Variants in ASAP1 observed in about 807,000 individuals in gnomAD.
ASAP1 encodes ArfGAP with SH3 domain, ankyrin repeat and PH domain 1.
Under a neutral mutation model 145.2 loss-of-function variants are expected in ASAP1, and 43 were observed. That is an observed-to-expected ratio of 0.30 (90% confidence interval 0.23 to 0.38). The LOEUF (loss-of-function observed/expected upper bound fraction) is 0.38. Ranked by LOEUF, ASAP1 falls within the 10% of genes least tolerant of loss-of-function variation. The pLI, the probability that ASAP1 is intolerant of heterozygous loss-of-function variation, is 1.00. For synonymous variants in ASAP1, 546 were observed against 515.5 expected, an observed-to-expected ratio of 1.06 and a Z score of -0.80; for missense variants, 1,018 against 1,355.3, an observed-to-expected ratio of 0.75 and a Z score of 3.91.
At chr8:130,304,874 A>T (rs1422543541) in intron 3 of ASAP1, among the ~76,000 whole-genome samples, 3 of 152,200 alleles carry the variant, frequency 2.0e-5, no homozygotes, top group Non-Finnish European at 4.4e-5. Context: ...GGAAAACCCA[A>T]AACAACAAAA....
At chr8:130,185,096 C>A (rs1464059070) in intron 7 of ASAP1, among the ~76,000 whole-genome samples, 1 of 152,162 alleles carries the variant, frequency 6.6e-6, no homozygotes, top group Non-Finnish European at 1.5e-5. Flanking sequence ...TTTTCTCTAA[C>A]TTATAACAGC....
chr8:130,338,477 C>T lies in ASAP1; in HGVS notation c.186+19540G>A, dbSNP rs572626728. ...GTGTCAGGTAAATAAAGACAGGACT[C>T]TCCTTCCAAGAAAAGAACATTATCC... On this transcript the variant is annotated intron_variant, in intron 3 of 29. Coordinates refer to ENST00000518721, the MANE Select transcript of ASAP1 (RefSeq NM_018482.4). Among the ~76,000 whole-genome samples, 92 of 152,350 alleles carry T rather than the reference C, an allele frequency of 6.0e-4. 1 individual carries two copies. Among genetic ancestry groups the T allele is most frequent in the Admixed American group, 1.5e-3 (23 of 15,302 alleles).
At chr8:130,095,080 A>G (rs1194448690) in intron 24 of ASAP1, among the ~76,000 whole-genome samples, 1 of 152,064 alleles carries the variant, frequency 6.6e-6, no homozygotes, top group East Asian at 1.9e-4. Flanking sequence ...AAATTAAGTA[A>G]TTGTGCGTCC....
At chr8:130,344,848 G>A (rs1299157863) in intron 3 of ASAP1, among the ~76,000 whole-genome samples, 2 of 152,186 alleles carry the variant, frequency 1.3e-5, no homozygotes, top group Non-Finnish European at 2.9e-5. Flanking sequence ...AAAAGGTATG[G>A]GGGAGGTGGG....
At chr8:130,315,895 T>C (rs1823636007) in intron 3 of ASAP1, among the ~76,000 whole-genome samples, 1 of 152,208 alleles carries the variant, frequency 6.6e-6, no homozygotes, top group African/African-American at 2.4e-5. Flanking sequence ...GCTACTAGCC[T>C]AGGCCTAGAT....
chr8:130,273,746 G>C (rs1481121461), intron 3 of ASAP1, among the ~76,000 whole-genome samples: 2 of 152,202 alleles, frequency 1.3e-5, no homozygotes, highest in Non-Finnish European at 1.5e-5. Context: ...GTTTCAACTG[G>C]TCTGTGGTGC....
At chr8:130,216,000 G>GAAAGGAAAGGAAAGGAAAGGAA (rs1816895217) in intron 4 of ASAP1, among the ~76,000 whole-genome samples, 1 of 118,820 alleles carries the variant, frequency 8.4e-6, no homozygotes, top group Admixed American at 8.6e-5. Flanking sequence ...GAAAGGAAAG[G>GAAAGGAAAGGAAAGGAAAGGAA]AAAGGAAAGG....
At chr8:130,280,890 C>G (rs568502682) in intron 3 of ASAP1, among the ~76,000 whole-genome samples, 1 of 152,206 alleles carries the variant, frequency 6.6e-6, no homozygotes, top group South Asian at 2.1e-4. Context: ...TTAACCATAA[C>G]CAAGAATCCA....
intron 5 of ASAP1, among the ~76,000 whole-genome samples, chr8:130,188,690 C>CCACTGCAT (rs1554842753): frequency 7.4e-6 from 1 of 135,818 alleles, no homozygotes; most frequent in Non-Finnish European, 1.6e-5. Flanking sequence ...GCCGAGATCA[C>CCACTGCAT]CACTGCATTC....
intron 4 of ASAP1, among the ~76,000 whole-genome samples, chr8:130,229,278 A>G (rs574266031): frequency 3.9e-5 from 6 of 152,372 alleles, no homozygotes; most frequent in African/African-American, 1.4e-4. Context: ...TGAACTAGAA[A>G]TAAAACTAAA....
Position 130,058,113 on chromosome 8 carries a change from G to A in ASAP1, c.3193-37C>T, listed in dbSNP as rs1402458909. 5 of 1,603,846 alleles carry A rather than the reference G, an allele frequency of 3.1e-6. No individual in the cohort carries two copies. The East Asian group carries it at 9.0e-5, about 29-fold the overall frequency. The stretch of plus-strand genomic sequence containing the variant: ...AAACTGGGTTTTAATTGAAAGAATG[G>A]ACTGAATGGAAAAAAAGAGCAGCGG... On this transcript the variant is annotated intron_variant, in intron 28 of 29. Coordinates refer to ENST00000518721, the MANE Select transcript of ASAP1 (RefSeq NM_018482.4).
chr8:130,332,916 G>GT (rs398009912), intron 3 of ASAP1, among the ~76,000 whole-genome samples: 40,433 of 148,406 alleles, frequency 0.27, 5,475 homozygotes, highest in South Asian at 0.4. Flanking sequence ...TAAAAAAGAA[G>GT]TTTTTTTTTT....
intron 5 of ASAP1, among the ~76,000 whole-genome samples, chr8:130,197,959 C>T (rs1166268445): frequency 6.6e-6 from 1 of 152,078 alleles, no homozygotes; most frequent in African/African-American, 2.4e-5. Flanking sequence ...AGCCTGCTGC[C>T]ACTGGACTCT....
intron 3 of ASAP1, among the ~76,000 whole-genome samples, chr8:130,331,366 G>C (rs942491556): frequency 9.9e-5 from 15 of 152,126 alleles, no homozygotes; most frequent in African/African-American, 3.6e-4. Flanking sequence ...AGAGAGAAAG[G>C]AACACTGGCT....
intron 2 of ASAP1, among the ~76,000 whole-genome samples, chr8:130,385,846 C>T (rs776537351): frequency 2.6e-5 from 4 of 152,190 alleles, no homozygotes; most frequent in African/African-American, 7.2e-5. Context: ...GTACTCCTGC[C>T]GGTGAATGCA....
At chr8:130,057,290 C>A (rs1479040097) in intron 29 of ASAP1, among the ~76,000 whole-genome samples, 1 of 152,184 alleles carries the variant, frequency 6.6e-6, no homozygotes, top group Non-Finnish European at 1.5e-5. Flanking sequence ...ACTTAGCCTG[C>A]TTACTGGCTG....
intron 27 of ASAP1, among the ~76,000 whole-genome samples, chr8:130,061,896 A>G (rs974807575): frequency 1.3e-5 from 2 of 152,210 alleles, no homozygotes; most frequent in South Asian, 2.1e-4. Context: ...TGGTACTTAG[A>G]AAACTATGGA....
At chr8:130,265,085 T>C (rs960983998) in intron 3 of ASAP1, among the ~76,000 whole-genome samples, 20 of 152,160 alleles carry the variant, frequency 1.3e-4, no homozygotes, top group Non-Finnish European at 2.6e-4. Context: ...CCTTTTCTCA[T>C]GGCAACAAAG....
In ASAP1 at chr8:130,274,498, C is replaced by T. The variant is rs75688885; in HGVS notation, c.187-37504G>A. On this transcript the variant is annotated intron_variant, in intron 3 of 29. Transcript: ENST00000518721. Reference sequence around the variant, plus strand: ...GTCTGAACCCTTGCACCAGACCACTCGATCTACCTTAAATCCTAAATGGAA... The same window carrying T: ...GTCTGAACCCTTGCACCAGACCACTTGATCTACCTTAAATCCTAAATGGAA... 2.6e-3 allele frequency among the ~76,000 whole-genome samples: 393 copies of T among 151,938 alleles called. 8 individuals carry two copies. In the East Asian group the frequency reaches 0.051, roughly 20 times the overall value.
Sources: gnomAD v4.1 joint callset for allele counts (sites outside exome capture counted in the v4.1 genomes callset) on GRCh38, gnomAD v4.1.1 for gene constraint, MANE v1.5 for transcripts, NCBI Gene and HGNC (gene_info 2026-07-23, HGNC 2026-07-21) for gene names.